Variants in DLG2 observed in about 807,000 individuals in gnomAD.
DLG2 encodes the protein disks large homolog 2.
DLG2 carries 45 observed loss-of-function variants against 132.5 expected under a neutral mutation model. The ratio of observed to expected loss-of-function variants is 0.34; its 90% confidence interval spans 0.27 to 0.44. The LOEUF (loss-of-function observed/expected upper bound fraction) is 0.44, where lower values mean the gene tolerates loss of function less well. Among genes scored for constraint, DLG2 ranks in the 20% least tolerant of loss-of-function variants. The pLI, the probability that DLG2 is intolerant of heterozygous loss-of-function variation, is 1.00. For missense variants in DLG2, 1,045 were observed against 1,196.9 expected (o/e 0.87, Z 1.87); for synonymous variants, 424 against 419.6 (o/e 1.01, Z -0.13).
chr11:83,997,907 G>A (rs1015343350), intron 11 of DLG2, among the ~76,000 whole-genome samples: 3 of 151,550 alleles, frequency 2.0e-5, no homozygotes, highest in African/African-American at 7.3e-5. Context: ...CATGGCGGGT[G>A]GATCACTTGA....
intron 3 of DLG2, among the ~76,000 whole-genome samples, chr11:85,514,411 A>G (rs186129828): frequency 1.4e-4 from 22 of 152,102 alleles, no homozygotes; most frequent in Admixed American, 1.4e-3. Flanking sequence ...ATTTTTGAAT[A>G]TGCTTTTATT....
intron 6 of DLG2, among the ~76,000 whole-genome samples, chr11:85,101,927 A>G (rs1275959539): frequency 6.6e-6 from 1 of 152,046 alleles, no homozygotes; most frequent in Non-Finnish European, 1.5e-5. Context: ...CAGTGGCTAT[A>G]TACATGGTCT....
intron 5 of DLG2, among the ~76,000 whole-genome samples, chr11:85,147,740 T>C (rs2076958320): frequency 7.3e-6 from 1 of 137,022 alleles, no homozygotes; most frequent in African/African-American, 2.9e-5. Flanking sequence ...CAATATTCTT[T>C]TATTTTATTT....
intron 3 of DLG2, among the ~76,000 whole-genome samples, chr11:85,412,725 TCACACACACACACACACACACACACACA>T (rs542505541): frequency 2.2e-5 from 2 of 92,252 alleles, no homozygotes; most frequent in African/African-American, 8.1e-5. Context: ...GAGCAGTATT[TCACACACACACACACACACACACACACA>T]CACACACATA....
At chr11:83,702,481 G>T (rs1007827766) in intron 18 of DLG2, among the ~76,000 whole-genome samples, 2 of 152,182 alleles carry the variant, frequency 1.3e-5, no homozygotes, top group Admixed American at 6.5e-5. Flanking sequence ...AATGGTAGCT[G>T]TCATTATTGC....
At chr11:85,441,294 T>A (rs555549890) in intron 3 of DLG2, among the ~76,000 whole-genome samples, 1 of 152,198 alleles carries the variant, frequency 6.6e-6, no homozygotes, top group East Asian at 1.9e-4. Flanking sequence ...TAAATATGGT[T>A]TTCCTTATAT....
intron 6 of DLG2, among the ~76,000 whole-genome samples, chr11:84,547,782 A>G (rs1000282540): frequency 6.6e-6 from 1 of 152,066 alleles, no homozygotes; most frequent in African/African-American, 2.4e-5. Flanking sequence ...ACAATTCATT[A>G]TTGTACCAGG....
intron 3 of DLG2, among the ~76,000 whole-genome samples, chr11:85,353,599 C>G (rs1565367386): frequency 6.6e-6 from 1 of 152,160 alleles, no homozygotes; most frequent in Non-Finnish European, 1.5e-5. Context: ...AAATGTCCAG[C>G]AATGATAGAC....
intron 4 of DLG2, among the ~76,000 whole-genome samples, chr11:85,232,735 C>T (rs956120958): frequency 3.3e-5 from 5 of 151,840 alleles, no homozygotes; most frequent in South Asian, 4.1e-4. Context: ...CTAAAGCATA[C>T]GTGAATTCAG....
chr11:83,719,055 A>ACTTTTAAACTGTAGC (rs1203537483), intron 18 of DLG2, among the ~76,000 whole-genome samples: 2 of 152,210 alleles, frequency 1.3e-5, no homozygotes, highest in Non-Finnish European at 2.9e-5. Flanking sequence ...CTGAGTGAGA[A>ACTTTTAAACTGTAGC]TCCCTGAAAG....
intron 3 of DLG2, among the ~76,000 whole-genome samples, chr11:85,568,728 T>A (rs1207349116): frequency 6.6e-6 from 1 of 152,226 alleles, no homozygotes; most frequent in East Asian, 1.9e-4. Context: ...TTTCTTATAA[T>A]CCTTATTTCT....
At chr11:85,221,781 G>A (rs976255207) in intron 4 of DLG2, among the ~76,000 whole-genome samples, 2 of 152,162 alleles carry the variant, frequency 1.3e-5, no homozygotes, top group Non-Finnish European at 2.9e-5. Flanking sequence ...GGCAAAATAA[G>A]ATTCAAGACC....
At chr11:85,436,340 C>T (rs1664627549) in intron 3 of DLG2, among the ~76,000 whole-genome samples, 4 of 152,082 alleles carry the variant, frequency 2.6e-5, no homozygotes, top group Admixed American at 2.6e-4. Context: ...AGCTTCTGCA[C>T]AGCAAAAGAA....
At chr11:85,586,441 G>T (rs1405704555) in intron 3 of DLG2, among the ~76,000 whole-genome samples, 1 of 152,136 alleles carries the variant, frequency 6.6e-6, no homozygotes, top group Non-Finnish European at 1.5e-5. Flanking sequence ...TAGAAGGGTT[G>T]TATATTTCTT....
chr11:84,610,279 C>G (rs1318471134), intron 6 of DLG2, among the ~76,000 whole-genome samples: 2 of 151,888 alleles, frequency 1.3e-5, no homozygotes, highest in Non-Finnish European at 2.9e-5. Flanking sequence ...AAAATTAATA[C>G]TAATTATTAT....
chr11:85,360,403 CAT>C (rs1230292777), intron 3 of DLG2, among the ~76,000 whole-genome samples: 1 of 152,124 alleles, frequency 6.6e-6, no homozygotes, highest in African/African-American at 2.4e-5. Context: ...TGACATAAGA[CAT>C]GTAAAAAGCC....
intron 3 of DLG2, among the ~76,000 whole-genome samples, chr11:85,526,571 C>A (rs765555328): frequency 2.0e-4 from 31 of 152,132 alleles, no homozygotes; most frequent in Non-Finnish European, 4.1e-4. Context: ...ATATGTAAAT[C>A]TGGAGTTATA....
intron 6 of DLG2, among the ~76,000 whole-genome samples, chr11:84,625,356 G>C (rs2099620879): frequency 6.6e-6 from 1 of 152,162 alleles, no homozygotes; most frequent in African/African-American, 2.4e-5. Context: ...GGATTACCAA[G>C]TGGCCGCTCC....
At chr11:83,849,586 T>A (rs2059280669) in intron 16 of DLG2, among the ~76,000 whole-genome samples, 1 of 151,858 alleles carries the variant, frequency 6.6e-6, no homozygotes, top group South Asian at 2.1e-4. Flanking sequence ...AATTTCTAGA[T>A]GGGGGTCTAT....
Sources: allele counts gnomAD v4.1 joint callset (sites outside exome capture counted in the v4.1 genomes callset), GRCh38; gene constraint gnomAD v4.1.1; transcripts MANE v1.5; gene names NCBI Gene and HGNC (gene_info 2026-07-23, HGNC 2026-07-21).